Variants in ZFP62 observed in about 807,000 individuals in gnomAD.
ZFP62 encodes the protein zinc finger protein 62 homolog.
In ZFP62, 44 loss-of-function variants were observed where a neutral mutation model predicts 56.4. That is an observed-to-expected ratio of 0.78 (90% CI 0.61 to 1.00). ZFP62 has a LOEUF of 1.00. ZFP62 is among the 50% of genes least tolerant of loss of function. ZFP62 has a pLI of 0.00. For synonymous variants in ZFP62, 421 were observed against 388.9 expected (o/e 1.08, Z -0.97); for missense variants, 1,030 against 1,085.7 (o/e 0.95, Z 0.72).
At chr5:180,855,416 G>A (rs1310387179) in intron 1 of ZFP62, among the ~76,000 whole-genome samples, 3 of 151,986 alleles carry the variant, frequency 2.0e-5, no homozygotes, top group African/African-American at 4.8e-5. Flanking sequence ...TTTCTTCCAC[G>A]CAGACCACAC....
chr5:180,854,753 T>C (rs990724951), intron 1 of ZFP62, among the ~76,000 whole-genome samples: 3 of 152,144 alleles, frequency 2.0e-5, no homozygotes, highest in African/African-American at 7.2e-5. Flanking sequence ...AAACGAACAA[T>C]GTTTTCTACT....
intron 1 of ZFP62, among the ~76,000 whole-genome samples, chr5:180,856,670 G>A (rs576624459): frequency 1.1e-3 from 170 of 152,164 alleles, no homozygotes; most frequent in African/African-American, 3.9e-3. Context: ...AAATGACAGA[G>A]GCGGCCGGGC....
chr5:180,831,455 A>C, the ZFP62 span: 2 of 148,464 alleles, frequency 1.3e-5, no homozygotes, highest in African/African-American at 2.5e-5. Context: ...CTTTTTGCCC[A>C]GGCTGGAGGG....
the ZFP62 span, chr5:180,831,928 A>AC: frequency 2.0e-5 from 3 of 152,020 alleles, no homozygotes; most frequent in Non-Finnish European, 2.9e-5. Flanking sequence ...TCTTTCCCAG[A>AC]CCCCTGTGAC....
chr5:180,850,505 G>A lies in ZFP62; in HGVS notation c.990C>T (p.Ile330=), dbSNP rs1275509441. Reference sequence around the variant, plus strand: ...ATTTATAGGGTTTATCTCCAAAGTGGATGCTTTTATGGTTGAGAAGTGTTC... The same window carrying A: ...ATTTATAGGGTTTATCTCCAAAGTGAATGCTTTTATGGTTGAGAAGTGTTC... ...TCRTLLNHKS[I]HFGDKPYKCD... Residue 330 remains isoleucine (I), a synonymous_variant, in exon 2 of 2, where the codon ATC becomes ATT. Transcript: ENST00000502412. 6.4e-7 allele frequency: 1 copy of A among 1,552,758 alleles called. No individual in the cohort carries two copies. Among genetic ancestry groups the A allele is most frequent in the East Asian group, 2.4e-5 (1 of 40,954 alleles).
At chr5:180,835,320 TCCTTTGG>T in the ZFP62 span, 1 of 152,194 alleles carries the variant, frequency 6.6e-6, no homozygotes, top group East Asian at 1.9e-4. Flanking sequence ...CAACTCTAGG[TCCTTTGG>T]CCTTTGGACT....
intron 1 of ZFP62, among the ~76,000 whole-genome samples, chr5:180,856,984 TA>T (rs1439708229): frequency 1.2e-5 from 1 of 80,650 alleles, no homozygotes; most frequent in African/African-American, 6.0e-5. Flanking sequence ...AAAAAGCAAA[TA>T]CAGGACATGG....
Position 180,848,384 on chromosome 5 carries a change from T to C in ZFP62, c.*408A>G. The C allele has an allele frequency of 1.0e-6, 1 of 992,784 alleles. No individual in the cohort carries two copies. The highest frequency in any genetic ancestry group is 1.2e-6 in the Non-Finnish European group (1 of 834,640). The allele number at this position is 992,784 out of a possible 1,614,324, so 61.5% of individuals were successfully genotyped here. ...GTTTTCCCACTGACCAATGTGTAAT[T>C]GGGATTCAAAGCTATACCTGAATTT... On this transcript the variant is annotated 3_prime_UTR_variant, in exon 2 of 2. Transcript: ENST00000502412.
intron 1 of ZFP62, among the ~76,000 whole-genome samples, chr5:180,857,730 CAG>C (rs1443153688): frequency 6.6e-6 from 1 of 151,342 alleles, no homozygotes; most frequent in African/African-American, 2.4e-5. Flanking sequence ...CGCCTGACCT[CAG>C]GGGATCCACC....
At chr5:180,839,707 CTG>C in the ZFP62 span, among the ~76,000 whole-genome samples, 3 of 152,292 alleles carry the variant, frequency 2.0e-5, no homozygotes, top group African/African-American at 7.2e-5. Flanking sequence ...CACCAAATCC[CTG>C]TGACACAGTT....
intron 1 of ZFP62, among the ~76,000 whole-genome samples, chr5:180,853,147 A>T (rs1773800148): frequency 6.6e-6 from 1 of 152,264 alleles, no homozygotes; most frequent in Non-Finnish European, 1.5e-5. Context: ...TATAGCATTA[A>T]TTGTAACTGC....
chr5:180,831,342 G>A, the ZFP62 span: 1 of 152,274 alleles, frequency 6.6e-6, no homozygotes, highest in East Asian at 1.9e-4. Context: ...GCGCCTCGGA[G>A]GGAAACCTTC....
In ZFP62 at chr5:180,848,428, G is replaced by GAATTTACC. The variant is rs956076441; in HGVS notation, c.*356_*363dup. 6.0e-6 allele frequency: 6 copies of GAATTTACC among 1,008,302 alleles called. No homozygotes were observed. Among genetic ancestry groups the GAATTTACC allele is most frequent in the Non-Finnish European group, 7.1e-6 (6 of 845,096 alleles). 62.5% of individuals were successfully genotyped at this position (1,008,302 alleles called of 1,614,324 possible). A position where few individuals can be genotyped will look rare whatever the true frequency, so the allele number is the denominator to read the frequency against. ...TGAATTTCCTACATTTCTAGTAACA[G>GAATTTACC]AATTTACCAAACATGAACTTTCTGA... On this transcript the variant is annotated 3_prime_UTR_variant, in exon 2 of 2. Transcript: ENST00000502412.
the ZFP62 span, among the ~76,000 whole-genome samples, chr5:180,828,753 A>G: frequency 2.0e-5 from 3 of 152,224 alleles, no homozygotes; most frequent in Non-Finnish European, 4.4e-5. Flanking sequence ...GAAGACAACC[A>G]TAAGGTCTGA....
the ZFP62 span, among the ~76,000 whole-genome samples, chr5:180,840,266 T>G: frequency 1.3e-5 from 2 of 152,136 alleles, no homozygotes; most frequent in African/African-American, 4.8e-5. Flanking sequence ...TTCTCCTAAA[T>G]GCACTGGCCG....
At chr5:180,839,490 TAA>T in the ZFP62 span, among the ~76,000 whole-genome samples, 20 of 152,324 alleles carry the variant, frequency 1.3e-4, no homozygotes, top group African/African-American at 4.8e-4. Flanking sequence ...GCCATTATCC[TAA>T]GAGAACTAAT....
the ZFP62 span, among the ~76,000 whole-genome samples, chr5:180,833,448 C>T: frequency 6.9e-6 from 1 of 145,032 alleles, no homozygotes; most frequent in Non-Finnish European, 1.5e-5. Flanking sequence ...CACTGCACTC[C>T]AGCCTGGGCG....
chr5:180,836,371 C>T, the ZFP62 span, among the ~76,000 whole-genome samples: 941 of 152,290 alleles, frequency 6.2e-3, 8 homozygotes, highest in African/African-American at 0.02. Flanking sequence ...TTTCAGCTTC[C>T]GGTGGCTCCC....
At chr5:180,858,478 C>G (rs1355117884) in intron 1 of ZFP62, among the ~76,000 whole-genome samples, 3 of 151,848 alleles carry the variant, frequency 2.0e-5, no homozygotes, top group Non-Finnish European at 2.9e-5. Context: ...TGGTGCACAC[C>G]TGTAGTTCCA....
Sources: gnomAD v4.1 joint callset for allele counts (sites outside exome capture counted in the v4.1 genomes callset) on GRCh38, gnomAD v4.1.1 for gene constraint, MANE v1.5 for transcripts, NCBI Gene and HGNC (gene_info 2026-07-23, HGNC 2026-07-21) for gene names.